ZNF821: variants seen among roughly 807,000 people sequenced by gnomAD.
ZNF821 encodes the protein zinc finger protein 821.
Under a neutral mutation model 44.3 loss-of-function variants are expected in ZNF821, and 16 were observed. That is an observed-to-expected ratio of 0.36 (90% confidence interval 0.24 to 0.55). The LOEUF (loss-of-function observed/expected upper bound fraction) is 0.55, where lower values mean the gene tolerates loss of function less well. Ranked by LOEUF, ZNF821 falls within the 20% of genes least tolerant of loss-of-function variation. The pLI, the probability that ZNF821 is intolerant of heterozygous loss-of-function variation, is 0.86. For synonymous variants in ZNF821, 204 were observed against 197.6 expected (o/e 1.03, Z -0.27); for missense variants, 436 against 547.6 (o/e 0.80, Z 2.03).
At chr16:71,887,745 AATTTGC>A (rs1346110867), upstream of ZNF821, among the ~76,000 whole-genome samples, 1 of 152,156 alleles carries the variant, frequency 6.6e-6, no homozygotes, top group Non-Finnish European at 1.5e-5. Context: ...TTGTGATTTT[AATTTGC>A]ATTTCTCTAA....
At chr16:71,861,579 A>G (rs2033903102) in intron 7 of ZNF821, among the ~76,000 whole-genome samples, 197 bp downstream of exon 7, 1 of 152,230 alleles carries the variant, frequency 6.6e-6, no homozygotes, top group Admixed American at 6.5e-5. Flanking sequence ...CTGATGGGAA[A>G]ATAAATGGGA....
At chr16:71,871,734 G>C (rs2035216522) in intron 3 of ZNF821, among the ~76,000 whole-genome samples, 1 of 151,944 alleles carries the variant, frequency 6.6e-6, no homozygotes, top group Non-Finnish European at 1.5e-5. Flanking sequence ...ATAGCTAAGA[G>C]TCAACTACAC....
intron 6 of ZNF821, among the ~76,000 whole-genome samples, chr16:71,863,623 A>C (rs746317220): frequency 2.0e-5 from 3 of 151,986 alleles, no homozygotes; most frequent in Non-Finnish European, 2.9e-5. Context: ...TCCTGAGGTT[A>C]AGCAATCCTC....
At chr16:71,863,036 G>T (rs1381470237) in intron 6 of ZNF821, among the ~76,000 whole-genome samples, 1 of 152,066 alleles carries the variant, frequency 6.6e-6, no homozygotes, top group East Asian at 1.9e-4. Context: ...TGGGATTATA[G>T]GCGTGCGCCA....
rs1034792966 is a variant in ZNF821, at chr16:71,860,948, T to C, written c.585-276A>G. 2.7e-5 allele frequency among the ~76,000 whole-genome samples: 4 copies of C among 150,476 alleles called. No homozygotes were observed. In the East Asian group the frequency reaches 8.0e-4, roughly 30 times the overall value. On this transcript the variant is annotated intron_variant, in intron 7 of 7. Transcript: ENST00000425432. The surrounding 1 kb of genome is among the most constrained non-coding windows in gnomAD (Gnocchi z 7.3). ...TCAGCTCACTGCAACCTCCGCCTCCTAGGTTCAAGCCATTCTCCTGCCTCA... is the reference window on the plus strand; with the variant it reads ...TCAGCTCACTGCAACCTCCGCCTCCCAGGTTCAAGCCATTCTCCTGCCTCA...
upstream of ZNF821, among the ~76,000 whole-genome samples, chr16:71,887,188 T>C (rs1208809569): frequency 2.0e-5 from 3 of 152,200 alleles, no homozygotes; most frequent in Non-Finnish European, 4.4e-5. Flanking sequence ...CTTTACATTA[T>C]GTATGGACAT....
At chr16:71,867,876 T>C (rs2034734261) in intron 4 of ZNF821, 36 bp downstream of exon 4, 2 of 1,532,592 alleles carry the variant, frequency 1.3e-6, no homozygotes, top group Non-Finnish European at 1.7e-6. Flanking sequence ...TCTTCTCCCA[T>C]TGCCCTGAGT....
rs570664421 is a variant in ZNF821 at position 71,880,005 on chromosome 16, C to G, written c.-59G>C. On this transcript the variant is annotated 5_prime_UTR_variant, in exon 3 of 8. Transcript: ENST00000425432. ...GTTTCACGACTGGATATGTTACTAC[C>G]TCCTTGCAAGATGCTAACCTGCAAT... 1.8e-4 allele frequency: 282 copies of G among 1,539,790 alleles called. 3 individuals are homozygous for G. The African/African-American group carries it at 3.4e-3, about 18-fold the overall frequency.
chr16:71,861,975 C>T (rs374245077), intron 6 of ZNF821, 33 bp from the exon 7 acceptor site: 15 of 1,609,926 alleles, frequency 9.3e-6, no homozygotes, highest in African/African-American at 6.7e-5. Flanking sequence ...GTCAGTCTTG[C>T]GCTACCTCCA....
intron 3 of ZNF821, among the ~76,000 whole-genome samples, chr16:71,872,523 G>A (rs963587566): frequency 6.6e-6 from 1 of 152,124 alleles, no homozygotes; most frequent in African/African-American, 2.4e-5. Context: ...TGAGGCAGGA[G>A]AATGGAGTGA....
intron 1 of ZNF821, 148 bp downstream of exon 1, chr16:71,883,760 G>A (rs1191589265): frequency 6.5e-6 from 1 of 152,730 alleles, no homozygotes; most frequent in Non-Finnish European, 1.5e-5. Context: ...AAGCGGGGAG[G>A]GTGAGCCCGG....
At chr16:71,880,551 G>A (rs910722902) in intron 2 of ZNF821, 1 of 152,276 alleles carries the variant, frequency 6.6e-6, no homozygotes, top group African/African-American at 2.4e-5. Flanking sequence ...ATAGGCATCT[G>A]TAAATGAGAA....
intron 3 of ZNF821, among the ~76,000 whole-genome samples, chr16:71,873,654 A>AAT (rs932242380): frequency 6.6e-5 from 10 of 152,216 alleles, no homozygotes; most frequent in Admixed American, 2.0e-4. Context: ...CTTTTTTAAA[A>AAT]ATATATATAT....
chr16:71,894,866 A>G, intron 1 of ZNF821: 1 of 1,527,612 alleles, frequency 6.5e-7, no homozygotes, highest in Non-Finnish European at 8.8e-7. Flanking sequence ...AAGGTAACCA[A>G]GGAAAAAGTT....
intron 2 of ZNF821, among the ~76,000 whole-genome samples, 193 bp from the exon 3 acceptor site, chr16:71,880,216 G>A (rs1465635586): frequency 6.6e-6 from 1 of 152,148 alleles, no homozygotes. Flanking sequence ...AAGTTTAAGA[G>A]GGGACTCCCT....
At chr16:71,894,910 C>T in exon 1 of ZNF821, 3 of 1,257,408 alleles carry the variant, frequency 2.4e-6, no homozygotes, top group African/African-American at 1.5e-5. Context: ...AGGGAAATCG[C>T]CAGAGACTGT....
At chr16:71,883,328 C>G (rs529540816) in intron 1 of ZNF821, 55 bp from the exon 2 acceptor site, 2 of 411,462 alleles carry the variant, frequency 4.9e-6, no homozygotes, top group African/African-American at 2.0e-5. Flanking sequence ...GGCTGTTCAC[C>G]TGACCCCTGG....
chr16:71,892,538 G>A (rs1409121523), intron 1 of ZNF821, among the ~76,000 whole-genome samples: 1 of 149,908 alleles, frequency 6.7e-6, no homozygotes, highest in Non-Finnish European at 1.5e-5. Context: ...AAAGTGCTGC[G>A]ATTACAGGTG....
At chr16:71,866,652 A>C (rs745479789) in intron 4 of ZNF821, among the ~76,000 whole-genome samples, 1 of 152,258 alleles carries the variant, frequency 6.6e-6, no homozygotes, top group Non-Finnish European at 1.5e-5. Context: ...GAGGGATAGT[A>C]CATCCTTCAG....
Sources: allele counts gnomAD v4.1 joint callset (sites outside exome capture counted in the v4.1 genomes callset), GRCh38; gene constraint gnomAD v4.1.1; non-coding constraint Gnocchi (gnomAD v3.1); transcripts MANE v1.5; gene names NCBI Gene and HGNC (gene_info 2026-07-23, HGNC 2026-07-21).